TOR1A: variants seen among roughly 807,000 people sequenced by gnomAD.
TOR1A encodes the protein torsin-1A.
Under a neutral mutation model 31.4 loss-of-function variants are expected in TOR1A, and 18 were observed. The ratio of observed to expected loss-of-function variants is 0.57; its 90% CI spans 0.40 to 0.85. The LOEUF is 0.85. TOR1A is among the 40% of genes least tolerant of loss of function. The pLI, the probability that TOR1A is intolerant of heterozygous loss-of-function variation, is 0.00. For synonymous variants in TOR1A, 168 were observed against 165.9 expected (o/e 1.01, Z -0.10); for missense variants, 375 against 416.4 (o/e 0.90, Z 0.87).
At chr9:129,823,870 AG>A in intron 1 of TOR1A, 37 bp downstream of exon 1, 3 of 1,390,148 alleles carry the variant, frequency 2.2e-6, no homozygotes, top group Non-Finnish European at 9.7e-7. Flanking sequence ...GCCCAGCCCC[AG>A]CCCCAGCCCC....
At position 129,818,375 on chromosome 9, in the gene TOR1A, C is replaced by T. The variant is rs994596175; in HGVS notation, c.748+145G>A. On this transcript the variant is annotated intron_variant, in intron 4 of 4. Transcript: ENST00000351698. Reference sequence around the variant, plus strand: ...TACCTGGAGTTCATCAGCAAAGATTCCCCTCATGACTCGGAAGGGGACTGA... The same window carrying T: ...TACCTGGAGTTCATCAGCAAAGATTTCCCTCATGACTCGGAAGGGGACTGA... 5 of 1,255,096 alleles carry T rather than the reference C, an allele frequency of 4.0e-6. No individual in the cohort carries two copies. The African/African-American group carries it at 7.3e-5, about 18-fold the overall frequency. The allele number at this position is 1,255,096 out of a possible 1,614,324, so 77.7% of individuals were successfully genotyped here.
At chr9:129,821,769 C>T (rs71481356) in intron 2 of TOR1A, 13,611 of 152,372 alleles carry the variant, frequency 0.089, 767 homozygotes, top group East Asian at 0.14. Context: ...TGGCACATGC[C>T]TGTAGTCACA....
At position 129,814,009 on chromosome 9, in the gene TOR1A, G is replaced by A. The variant is rs1476648522; in HGVS notation, c.962C>T (p.Thr321Met). 7.0e-5 allele frequency: 113 copies of A among 1,614,080 alleles called. No individual in the cohort carries two copies. Among genetic ancestry groups the A allele is most frequent in the Non-Finnish European group, 9.2e-5 (109 of 1,180,054 alleles). ...ERVFSDKGCK[T>M]VFTKLDYYYD... ...GTAATAATCTAACTTGGTGAACACC[G>A]TTTTGCAGCCTTTATCTGAGAAAAC... Residue 321 changes from threonine to methionine, a missense_variant, in exon 5 of 5, where the codon ACG becomes ATG. Thr to Met is a moderately conservative substitution (Grantham distance 81). Transcript: ENST00000351698.
chr9:129,818,121 C>A (rs1474547147), intron 4 of TOR1A, among the ~76,000 whole-genome samples: 1 of 152,150 alleles, frequency 6.6e-6, no homozygotes, highest in Non-Finnish European at 1.5e-5. Context: ...GCCTGGCCAA[C>A]ATGACAAAAC....
chr9:129,819,304 T>G (rs189688645), intron 2 of TOR1A, among the ~76,000 whole-genome samples: 1 of 152,142 alleles, frequency 6.6e-6, no homozygotes, highest in Admixed American at 6.6e-5. Context: ...TGGGATGTCA[T>G]GAGGATACTG....
intron 2 of TOR1A, chr9:129,821,476 G>A (rs1354120084): frequency 6.6e-6 from 1 of 152,228 alleles, no homozygotes; most frequent in African/African-American, 2.4e-5. Flanking sequence ...CACTTTGTAA[G>A]TCAGAATCTG....
Position 129,813,925 on chromosome 9 carries a change from T to C in TOR1A, c.*47A>G. On this transcript the variant is annotated 3_prime_UTR_variant, in exon 5 of 5. Coordinates refer to ENST00000351698, the MANE Select transcript of TOR1A (RefSeq NM_000113.3). ...GGAAGTGTGGAAGGACTGAGTGTTG[T>C]TTCTTTTCCAACTCCAGGCAGTGAC... 1.9e-6 allele frequency: 3 copies of C among 1,610,206 alleles called. No individual in the cohort carries two copies. The South Asian group carries it at 3.3e-5, about 18-fold the overall frequency.
chr9:129,813,764 G>A lies in TOR1A; in HGVS notation c.*208C>T. The A allele has an allele frequency of 1.5e-6, 1 of 674,318 alleles. No individual in the cohort carries two copies. Among genetic ancestry groups the A allele is most frequent in the Non-Finnish European group, 2.6e-6 (1 of 389,654 alleles). 41.8% of individuals were successfully genotyped at this position (674,318 alleles called of 1,614,324 possible). ...GCTCCTTCCTTCTGTGCGTGTTCGG[G>A]AGGCTTCACGTCCTCGCCCGTGGTC... On this transcript the variant is annotated 3_prime_UTR_variant, in exon 5 of 5. Transcript: ENST00000351698.
chr9:129,818,100 G>A (rs1387746882), intron 4 of TOR1A, among the ~76,000 whole-genome samples: 1 of 151,986 alleles, frequency 6.6e-6, no homozygotes, highest in Non-Finnish European at 1.5e-5. Flanking sequence ...TGAGGTAAGA[G>A]TTCAAGACCA....
chr9:129,819,693 G>C (rs1321511036), intron 2 of TOR1A, among the ~76,000 whole-genome samples: 1 of 151,882 alleles, frequency 6.6e-6, no homozygotes, highest in African/African-American at 2.4e-5. Context: ...GGGAGGCGGA[G>C]GTTGCGGTGA....
rs566043928 is a variant in TOR1A, at chr9:129,817,391, T to A, written c.748+1129A>T. ...CTGGCTCTTTCTTCTACAAAGAAAA[T>A]CATGTAGCTGAAGAAAATGGGGGAA... is the stretch of plus-strand genomic sequence containing the variant. On this transcript the variant is annotated intron_variant, in intron 4 of 4. Transcript: ENST00000351698. Among the ~76,000 whole-genome samples the A allele has an allele frequency of 2.0e-5, 3 of 152,010 alleles. No individual in the cohort carries two copies. The South Asian group carries it at 6.2e-4, about 31-fold the overall frequency.
intron 4 of TOR1A, chr9:129,818,271 C>G (rs1227640653): frequency 1.8e-6 from 1 of 553,482 alleles, no homozygotes; most frequent in African/African-American, 1.9e-5. Context: ...CCACTGCACT[C>G]CAGCCTAGGT....
chr9:129,818,395 G>A (rs2031093436), intron 4 of TOR1A, 125 bp downstream of exon 4: 1 of 1,447,610 alleles, frequency 6.9e-7, no homozygotes, highest in Non-Finnish European at 9.6e-7. Flanking sequence ...CTCGGAAGGG[G>A]ACTGAGAATC....
In TOR1A at chr9:129,814,143, G is replaced by A; in HGVS notation, c.828C>T (p.His276=). Residue 276 remains histidine, a synonymous_variant, in exon 5 of 5, where the codon CAC becomes CAT. Coordinates refer to ENST00000351698, the MANE Select transcript of TOR1A (RefSeq NM_000113.3). ...TTTCCACTCGGATACACATTTTTAG[G>A]TGTTTGTATTCCAGGGGGAGGAAGG... The part of the protein sequence containing the change: ...FVPFLPLEYK[H]LKMCIRVEMQ... The A allele has an allele frequency of 6.2e-7, 1 of 1,614,086 alleles. No individual in the cohort carries two copies.
intron 2 of TOR1A, chr9:129,821,521 A>C (rs1402825928): frequency 6.6e-6 from 1 of 152,206 alleles, no homozygotes. Flanking sequence ...AAGACTACGG[A>C]GCTGGGAGAG....
intron 4 of TOR1A, among the ~76,000 whole-genome samples, chr9:129,817,846 A>AG (rs1272433177): frequency 3.8e-5 from 5 of 133,072 alleles, no homozygotes; most frequent in African/African-American, 1.3e-4. Flanking sequence ...ACCAAAAAAA[A>AG]AAAAAAAAAA....
intron 4 of TOR1A, among the ~76,000 whole-genome samples, chr9:129,816,859 C>A (rs984485436): frequency 1.3e-5 from 2 of 152,238 alleles, no homozygotes; most frequent in South Asian, 2.1e-4. Context: ...CTTGCACACA[C>A]TGACATACTG....
Position 129,823,991 on chromosome 9 carries a change from C to T in TOR1A, c.95G>A (p.Gly32Asp), listed in dbSNP as rs769898612. The T allele has an allele frequency of 2.5e-6, 4 of 1,611,232 alleles. No homozygotes were observed. In the South Asian group the frequency reaches 4.4e-5, roughly 18 times the overall value. ...CGGGTAGATGTAGCCGGTGAGGACG[C>T]CGGCCAGGGCCAGTCCCAGGCTGAT... is the stretch of plus-strand genomic sequence containing the variant. ...EPISLGLALA[G>D]VLTGYIYPRL... Residue 32 changes from glycine (G) to aspartate (D), a missense_variant, in exon 1 of 5, where the codon GGC becomes GAC. Coordinates refer to ENST00000351698, the MANE Select transcript of TOR1A (RefSeq NM_000113.3).
At position 129,813,205 on chromosome 9, in the gene TOR1A, A is replaced by C. The variant is rs2030939917; in HGVS notation, c.*767T>G. The C allele has an allele frequency of 6.6e-6, 1 of 152,468 alleles. No individual in the cohort carries two copies. Among genetic ancestry groups the C allele is most frequent in the Non-Finnish European group, 1.5e-5 (1 of 68,234 alleles). The allele number at this position is 152,468 out of a possible 1,614,324, so 9.4% of individuals were successfully genotyped here. A position where few individuals can be genotyped will look rare whatever the true frequency, so the allele number is the denominator to read the frequency against. On this transcript the variant is annotated 3_prime_UTR_variant, in exon 5 of 5. Transcript: ENST00000351698. Reference sequence around the variant, plus strand: ...TGCAAAACGGAGTGACTGGCAAGTGACAAGTTGGAAATACTTTTCTTTCAA... The same window carrying C: ...TGCAAAACGGAGTGACTGGCAAGTGCCAAGTTGGAAATACTTTTCTTTCAA...
Sources: allele counts gnomAD v4.1 joint callset (sites outside exome capture counted in the v4.1 genomes callset), GRCh38; gene constraint gnomAD v4.1.1; transcripts MANE v1.5; gene names NCBI Gene and HGNC (gene_info 2026-07-23, HGNC 2026-07-21).